Variants in ZC4H2 observed in about 807,000 individuals in gnomAD.
ZC4H2 encodes the protein zinc finger C4H2 domain-containing protein.
For missense variants in ZC4H2, 137 were observed against 173.9 expected, an observed-to-expected ratio of 0.79 and a Z score of 1.19; for synonymous variants, 84 against 66.3, an observed-to-expected ratio of 1.27 and a Z score of -1.30.
Position 64,917,866 on chromosome X carries a change from G to T in ZC4H2, c.592C>A (p.Arg198=), listed in dbSNP as rs137962226. 266 of 1,208,193 alleles carry T rather than the reference G, an allele frequency of 2.2e-4. No homozygotes were observed. The African/African-American group carries it at 4.1e-3, about 19-fold the overall frequency. The change falls in exon 5 of 5, where the codon CGG becomes AGG. Residue 198 remains arginine (R), a synonymous_variant. Coordinates refer to ENST00000374839, the MANE Select transcript of ZC4H2 (RefSeq NM_018684.4). ...CAAAGAGGGCATATAGGTGCATTCC[G>T]GTGAATTTGCTGGTGACATGACAAG... is the stretch of plus-strand genomic sequence containing the variant. The part of the protein sequence containing the change: ...ACLSCHQQIH[R]NAPICPLCKA...
chrX:65,022,360 G>C (rs891590234), intron 1 of ZC4H2, among the ~76,000 whole-genome samples: 1 of 111,690 alleles, frequency 9.0e-6, no homozygotes, highest in African/African-American at 3.3e-5. Flanking sequence ...GGGATGCAAG[G>C]CTGGTTGACC....
intron 1 of ZC4H2, among the ~76,000 whole-genome samples, chrX:64,955,932 T>C (rs776876793): frequency 1.8e-4 from 20 of 111,786 alleles, no homozygotes; most frequent in Non-Finnish European, 1.9e-5. Flanking sequence ...ACCCACATCA[T>C]GGGTTAAAGT....
intron 1 of ZC4H2, among the ~76,000 whole-genome samples, chrX:64,936,812 C>A (rs1184826576): frequency 2.7e-5 from 3 of 111,505 alleles, no homozygotes; most frequent in African/African-American, 9.8e-5. Flanking sequence ...CCAGTCACTG[C>A]AAAAACAACA....
At chrX:64,922,220 G>A in intron 1 of ZC4H2, 1 of 599,560 alleles carries the variant, frequency 1.7e-6, no homozygotes, top group Non-Finnish European at 2.3e-6. Flanking sequence ...AAACCAGCAT[G>A]GGCAACATAG....
At chrX:64,979,382 G>A (rs963656249), upstream of ZC4H2, among the ~76,000 whole-genome samples, 6 of 112,670 alleles carry the variant, frequency 5.3e-5, no homozygotes, top group African/African-American at 1.9e-4. Context: ...AAGAGAAGAG[G>A]CCATGGGAAA....
At chrX:64,936,396 A>G (rs1180041285) in intron 1 of ZC4H2, among the ~76,000 whole-genome samples, 1 of 111,473 alleles carries the variant, frequency 9.0e-6, no homozygotes, top group Non-Finnish European at 1.9e-5. Context: ...ACACAGACCA[A>G]CATTCAAATT....
At chrX:65,023,557 A>C (rs571924837) in intron 1 of ZC4H2, among the ~76,000 whole-genome samples, 1 of 112,129 alleles carries the variant, frequency 8.9e-6, no homozygotes, top group South Asian at 3.8e-4. Context: ...CCACAATGAG[A>C]TACCATCTCA....
At chrX:64,928,641 T>TCTTCTA (rs1929550824) in intron 1 of ZC4H2, among the ~76,000 whole-genome samples, 1 of 79,547 alleles carries the variant, frequency 1.3e-5, no homozygotes, top group African/African-American at 4.1e-5. Context: ...TCCTTCTTCT[T>TCTTCTA]CTTCTTCTTC....
chrX:64,936,093 T>C (rs1225490606), intron 1 of ZC4H2, among the ~76,000 whole-genome samples: 1 of 109,111 alleles, frequency 9.2e-6, no homozygotes, highest in Non-Finnish European at 1.9e-5. Context: ...CTGATGGGGA[T>C]AAAAACCATG....
chrX:64,943,468 G>A (rs1422712458), intron 1 of ZC4H2, among the ~76,000 whole-genome samples: 1 of 111,659 alleles, frequency 9.0e-6, no homozygotes, highest in Non-Finnish European at 1.9e-5. Context: ...GGAAGTCTTA[G>A]TCTCTTTGTA....
At chrX:64,996,183 G>A (rs1308763741) in intron 1 of ZC4H2, among the ~76,000 whole-genome samples, 1 of 111,636 alleles carries the variant, frequency 9.0e-6, no homozygotes. Flanking sequence ...GACAGAAATA[G>A]GTGAATTTTT....
intron 1 of ZC4H2, among the ~76,000 whole-genome samples, chrX:65,033,826 C>T (rs1281406442): frequency 8.9e-6 from 1 of 111,766 alleles, no homozygotes; most frequent in Non-Finnish European, 1.9e-5. Context: ...CGGTGGCTTA[C>T]GCCTGTAATC....
At chrX:64,930,468 C>T (rs963938943) in intron 1 of ZC4H2, among the ~76,000 whole-genome samples, 4 of 111,520 alleles carry the variant, frequency 3.6e-5, no homozygotes, top group Non-Finnish European at 7.5e-5. Context: ...GGAATGTTTT[C>T]AATTTTTCCC....
chrX:64,930,627 T>A (rs996632691), intron 1 of ZC4H2, among the ~76,000 whole-genome samples: 1 of 112,285 alleles, frequency 8.9e-6, no homozygotes, highest in Non-Finnish European at 1.9e-5. Flanking sequence ...GCTAATCATA[T>A]GATTTTTTAT....
At chrX:64,991,768 G>T (rs1932314133) in intron 1 of ZC4H2, among the ~76,000 whole-genome samples, 1 of 111,990 alleles carries the variant, frequency 8.9e-6, no homozygotes, top group South Asian at 3.8e-4. Context: ...AAGTAGAAAT[G>T]AACCCAAATA....
At chrX:64,969,832 T>C (rs1931717084) in intron 1 of ZC4H2, among the ~76,000 whole-genome samples, 1 of 111,954 alleles carries the variant, frequency 8.9e-6, no homozygotes, top group Non-Finnish European at 1.9e-5. Flanking sequence ...GATTTCAGCA[T>C]AGTGAGGCAT....
chrX:64,922,297 A>G (rs779882523), intron 1 of ZC4H2: 23 of 243,487 alleles, frequency 9.4e-5, no homozygotes, highest in Non-Finnish European at 6.6e-6. Context: ...AAAGAAAAAG[A>G]AAAAGAAAGA....
chrX:64,936,110 G>C (rs1929999216), intron 1 of ZC4H2, among the ~76,000 whole-genome samples: 1 of 109,386 alleles, frequency 9.1e-6, no homozygotes, highest in Admixed American at 9.9e-5. Context: ...CATGGCACAA[G>C]AACTTCGTGA....
rs1232581701 is a variant in ZC4H2 at position 64,916,226 on chromosome X, T to C, written c.*1557A>G. 9.0e-6 allele frequency: 1 copy of C among 111,490 alleles called. No homozygotes were observed. Among genetic ancestry groups the C allele is most frequent in the Non-Finnish European group, 1.9e-5 (1 of 53,154 alleles). 9.2% of individuals were successfully genotyped at this position (111,490 alleles called of 1,213,427 possible). On this transcript the variant is annotated 3_prime_UTR_variant, in exon 5 of 5. Coordinates refer to ENST00000374839, the MANE Select transcript of ZC4H2 (RefSeq NM_018684.4). ...GTATTTTGGAAGTCAAATACAATCA[T>C]TTATATTAAGCAACTTGCATAGGTA...
Sources: gnomAD v4.1 joint callset for allele counts (sites outside exome capture counted in the v4.1 genomes callset) on GRCh38, gnomAD v4.1.1 for gene constraint, MANE v1.5 for transcripts, NCBI Gene and HGNC (gene_info 2026-07-23, HGNC 2026-07-21) for gene names.